Variants in CROCC2 observed in about 807,000 individuals in gnomAD.
CROCC2 encodes the protein ciliary rootlet coiled-coil, rootletin family member 2, also known as ciliary rootlet coiled-coil protein 2.
CROCC2 carries 163 observed loss-of-function variants against 177.6 expected under a neutral mutation model. The ratio of observed to expected loss-of-function variants is 0.92; its 90% CI spans 0.81 to 1.05. The LOEUF (loss-of-function observed/expected upper bound fraction) is 1.05, where lower values mean the gene tolerates loss of function less well. Ranked by LOEUF, CROCC2 falls within the 50% of genes least tolerant of loss-of-function variation. The pLI is 0.00. For synonymous variants in CROCC2, 904 were observed against 787.3 expected, an observed-to-expected ratio of 1.15 and a Z score of -2.48; for missense variants, 1,929 against 1,797.8, an observed-to-expected ratio of 1.07 and a Z score of -1.32.
rs145480647 is a variant in CROCC2, at chr2:240,948,910, A to G, written c.2364-69A>G. 2,044 of 1,424,122 alleles carry G rather than the reference A, an allele frequency of 1.4e-3. 23 individuals are homozygous for G. In the African/African-American group the frequency reaches 0.026, roughly 18 times the overall value. The allele number at this position is 1,424,122 out of a possible 1,614,324, so 88.2% of individuals were successfully genotyped here. ...CTGAGTCTCATTAACACCTGTGTAA[A>G]GCTATAGAGAGCATTTTACACGCAG... is the stretch of plus-strand genomic sequence containing the variant. On this transcript the variant is annotated intron_variant, in intron 15 of 31. Transcript: ENST00000690015.
Position 240,983,315 on chromosome 2 carries a change from C to T in CROCC2, c.4551+286C>T, listed in dbSNP as rs1006477348. The stretch of plus-strand genomic sequence containing the variant: ...ACAGAGGAGTCAGCTGTGGACACGC[C>T]GTTTAGGAGAAAATAAGTTGAGGCC... On this transcript the variant is annotated intron_variant, in intron 28 of 31. Transcript: ENST00000690015. 31 of 1,203,474 alleles carry T rather than the reference C, an allele frequency of 2.6e-5. No individual in the cohort carries two copies. The African/African-American group carries it at 4.9e-4, about 19-fold the overall frequency. The allele number at this position is 1,203,474 out of a possible 1,614,324, so 74.5% of individuals were successfully genotyped here.
At chr2:240,975,938 C>G (rs920461154) in intron 27 of CROCC2, among the ~76,000 whole-genome samples, 16 of 152,096 alleles carry the variant, frequency 1.1e-4, no homozygotes, top group African/African-American at 3.1e-4. Context: ...ATTGTGTTGT[C>G]CAGGCTGGTC....
Position 240,935,079 on chromosome 2 carries a change from T to A in CROCC2, c.1938+17T>A. 1 of 1,339,860 alleles carries A rather than the reference T, an allele frequency of 7.5e-7. No homozygotes were observed. The highest frequency in any genetic ancestry group is 2.1e-5 in the South Asian group (1 of 48,116). The allele number at this position is 1,339,860 out of a possible 1,614,324, so 83.0% of individuals were successfully genotyped here. A position where few individuals can be genotyped will look rare whatever the true frequency, so the allele number is the denominator to read the frequency against. On this transcript the variant is annotated intron_variant, in intron 13 of 31. Transcript: ENST00000690015. ...GCTCTCCAGGTGAGACAAGGGCCAG[T>A]GGGGCGGGCCTCGCTGGAACCTGTT...
chr2:240,955,692 C>A (rs1346197034), intron 18 of CROCC2, among the ~76,000 whole-genome samples, 167 bp from the exon 19 acceptor site: 1 of 152,210 alleles, frequency 6.6e-6, no homozygotes, highest in African/African-American at 2.4e-5. Flanking sequence ...TCTGTAGGAG[C>A]TGCCCCTCCT....
intron 30 of CROCC2, among the ~76,000 whole-genome samples, chr2:240,990,861 C>T (rs556049287): frequency 2.0e-5 from 3 of 152,056 alleles, no homozygotes; most frequent in South Asian, 2.1e-4. Flanking sequence ...ACCCAAAGTG[C>T]TGGGATTACA....
intron 14 of CROCC2, among the ~76,000 whole-genome samples, chr2:240,936,868 C>T (rs1054373005): frequency 6.6e-6 from 1 of 152,170 alleles, no homozygotes; most frequent in African/African-American, 2.4e-5. Flanking sequence ...ATTTGTGTCC[C>T]CACCCAAATC....
chr2:240,956,561 C>T (rs2059591679), intron 19 of CROCC2: 1 of 153,218 alleles, frequency 6.5e-6, no homozygotes, highest in African/African-American at 2.4e-5. Context: ...CTCCCATGCA[C>T]AAAGGCTGCT....
chr2:240,964,122 C>A, intron 21 of CROCC2: 1 of 531,178 alleles, frequency 1.9e-6, no homozygotes, highest in Non-Finnish European at 3.4e-6. Context: ...CCCTGTGGGG[C>A]AGCTGGGCAG....
intron 14 of CROCC2, among the ~76,000 whole-genome samples, chr2:240,939,671 A>G (rs1015231692): frequency 6.6e-6 from 1 of 152,178 alleles, no homozygotes; most frequent in African/African-American, 2.4e-5. Context: ...TAACAGATAT[A>G]AAATCTATTA....
intron 6 of CROCC2, 32 bp downstream of exon 6, chr2:240,930,301 C>A (rs1487521106): frequency 1.4e-5 from 7 of 492,448 alleles, no homozygotes; most frequent in Non-Finnish European, 2.2e-5. Context: ...TGGGGCCAGG[C>A]ACCAGGCTGC....
chr2:240,929,887 G>T (rs1011966183), intron 5 of CROCC2, among the ~76,000 whole-genome samples: 1 of 152,184 alleles, frequency 6.6e-6, no homozygotes, highest in Non-Finnish European at 1.5e-5. Context: ...CTCTTCAGGG[G>T]CCCACGCACC....
chr2:240,935,611 C>T lies in CROCC2; in HGVS notation c.2169+23C>T. 7 of 1,378,300 alleles carry T rather than the reference C, an allele frequency of 5.1e-6. No homozygotes were observed. The South Asian group carries it at 8.2e-5, about 16-fold the overall frequency. The allele number at this position is 1,378,300 out of a possible 1,614,324, so 85.4% of individuals were successfully genotyped here. A position where few individuals can be genotyped will look rare whatever the true frequency, so the allele number is the denominator to read the frequency against. ...CAGGTGAGGACGTCTGCAGGGCATGCTGCCGCCGTCTGGGATGCGGCTGGG... is the reference window on the plus strand; with the variant it reads ...CAGGTGAGGACGTCTGCAGGGCATGTTGCCGCCGTCTGGGATGCGGCTGGG... On this transcript the variant is annotated intron_variant, in intron 14 of 31. Transcript: ENST00000690015.
intron 20 of CROCC2, among the ~76,000 whole-genome samples, chr2:240,962,427 G>A (rs1469439994): frequency 6.6e-6 from 1 of 152,080 alleles, no homozygotes; most frequent in African/African-American, 2.4e-5. Flanking sequence ...GACCTTCTGG[G>A]CGGGTTTCTG....
intron 11 of CROCC2, among the ~76,000 whole-genome samples, 157 bp from the exon 12 acceptor site, chr2:240,934,174 G>A (rs976231549): frequency 2.6e-5 from 4 of 151,740 alleles, no homozygotes; most frequent in African/African-American, 4.8e-5. Flanking sequence ...GCCTGGAAGC[G>A]AAGGGCTCCC....
chr2:240,935,812 C>T (rs546216979), intron 14 of CROCC2, among the ~76,000 whole-genome samples: 6 of 152,338 alleles, frequency 3.9e-5, no homozygotes, highest in South Asian at 2.1e-4. Context: ...ATATCCATCC[C>T]GCCACTTGGC....
At position 240,959,283 on chromosome 2, in the gene CROCC2, G is replaced by C; in HGVS notation, c.2944-18G>C. The C allele has an allele frequency of 6.5e-7, 1 of 1,549,244 alleles. No homozygotes were observed. The highest frequency in any genetic ancestry group is 8.7e-7 in the Non-Finnish European group (1 of 1,146,384). ...GCCCAGCTCCCTGGTGCCACCGTGG[G>C]CTCCCTTCTCCCCGCAGGCCACCAT... On this transcript the variant is annotated intron_variant, in intron 19 of 31. Coordinates refer to ENST00000690015, the MANE Select transcript of CROCC2 (RefSeq NM_001351305.2).
Position 240,968,141 on chromosome 2 carries a change from T to G in CROCC2, c.4280T>G (p.Val1427Gly). The G allele has an allele frequency of 6.7e-7, 1 of 1,489,432 alleles. No individual in the cohort carries two copies. Among genetic ancestry groups the G allele is most frequent in the Non-Finnish European group, 8.9e-7 (1 of 1,122,358 alleles). 92.3% of individuals were successfully genotyped at this position (1,489,432 alleles called of 1,614,324 possible). The change falls in exon 27 of 32, where the codon GTG becomes GGG. Residue 1427 changes from valine (V) to glycine (G), a missense_variant. By Grantham distance (109) the Val-to-Gly change is moderately radical (BLOSUM62 -3). This residue lies in a region of CROCC2 where 388 missense variants were observed against 352.7 expected (regional missense o/e 1.10). Coordinates refer to ENST00000690015, the MANE Select transcript of CROCC2 (RefSeq NM_001351305.2). ...LAEAEEGQRR[V>G]EGALSSARAA... ...GCTTGCCCCACAGGCCAGCGCCGGG[T>G]GGAGGGCGCGCTGAGCAGCGCCCGG...
At chr2:240,963,328 T>G in intron 20 of CROCC2, 3 of 518,720 alleles carry the variant, frequency 5.8e-6, no homozygotes, top group African/African-American at 1.9e-5. Flanking sequence ...GGGCTCAAGG[T>G]GGGGTCTTCT....
rs1367037295 is a variant in CROCC2, at chr2:240,934,411, C to T, written c.1727C>T (p.Thr576Ile). 1.3e-6 allele frequency: 2 copies of T among 1,548,720 alleles called. No individual in the cohort carries two copies. The highest frequency in any genetic ancestry group is 1.7e-6 in the Non-Finnish European group (2 of 1,146,908). Reference protein sequence around the residue: ...ELASVREALSTAQLQRDVVES... With the variant: ...ELASVREALSIAQLQRDVVES... ...GCATCGGTCCGGGAGGCACTGAGCACAGCACAGCTGCAGCGGGATGTCGTG... is the reference window on the plus strand; with the variant it reads ...GCATCGGTCCGGGAGGCACTGAGCATAGCACAGCTGCAGCGGGATGTCGTG... Residue 576 changes from threonine to isoleucine, a missense_variant, in exon 12 of 32, where the codon ACA becomes ATA. Thr to Ile is a moderately conservative substitution (Grantham distance 89). Transcript: ENST00000690015.
Sources: gnomAD v4.1 joint callset for allele counts (sites outside exome capture counted in the v4.1 genomes callset) on GRCh38, gnomAD v4.1.1 for gene constraint, gnomAD v4.1.1 regional missense constraint, MANE v1.5 for transcripts, NCBI Gene and HGNC (gene_info 2026-07-23, HGNC 2026-07-21) for gene names.